The following ARHGAP23 variants were observed in gnomAD, a reference collection of about 807,000 sequenced individuals.
ARHGAP23 encodes rho GTPase-activating protein 23.
A neutral mutation model predicts 136.3 loss-of-function variants in ARHGAP23; 34 were observed. That is an observed-to-expected ratio of 0.25 (90% CI 0.19 to 0.33). ARHGAP23 has a LOEUF of 0.33. ARHGAP23 is among the 10% of genes least tolerant of loss of function. The pLI, the probability that ARHGAP23 is intolerant of heterozygous loss-of-function variation, is 1.00. For missense variants in ARHGAP23, 1,808 were observed against 2,139.0 expected, an observed-to-expected ratio of 0.85 and a Z score of 3.05; for synonymous variants, 832 against 920.5, an observed-to-expected ratio of 0.90 and a Z score of 1.74.
chr17:38,469,902 G>A lies in ARHGAP23; in HGVS notation c.1972G>A (p.Gly658Arg), dbSNP rs1251439105. ...GATGCTCCGGAGCTTCTTCACCGAC[G>A]GGGTGAGAGCTGCAAGTGTGTGTGC... ...LRMLRSFFTD[G>R]SLDSWGTSED... The change falls in exon 10 of 24, where the codon GGG becomes AGG. Residue 658 changes from glycine to arginine, a missense_variant and splice_region_variant. This residue lies in a region of ARHGAP23 where 859 missense variants were observed against 936.4 expected (regional missense o/e 0.92). Transcript: ENST00000622683. 9.0e-6 allele frequency: 14 copies of A among 1,551,640 alleles called. No homozygotes were observed. The highest frequency in any genetic ancestry group is 1.1e-5 in the Non-Finnish European group (13 of 1,146,976).
Position 38,486,909 on chromosome 17 carries a change from T to C in ARHGAP23, c.2986+769T>C, listed in dbSNP as rs1597827669. Among the ~76,000 whole-genome samples the C allele has an allele frequency of 2.0e-5, 3 of 152,244 alleles. No individual in the cohort carries two copies. In the South Asian group the frequency reaches 6.2e-4, roughly 31 times the overall value. ...TTGTGTTTCTCTCCTGGCCCTCTTA[T>C]ATGCATGGCAGAGATACACACGTGC... On this transcript the variant is annotated intron_variant, in intron 17 of 23. Coordinates refer to ENST00000622683, the MANE Select transcript of ARHGAP23 (RefSeq NM_001199417.2).
At chr17:38,475,322 G>A (rs1363290163) in intron 11 of ARHGAP23, among the ~76,000 whole-genome samples, 3 of 152,236 alleles carry the variant, frequency 2.0e-5, no homozygotes, top group Admixed American at 1.3e-4. Context: ...TTACCAGCCG[G>A]AGACACTGAG....
intron 23 of ARHGAP23, among the ~76,000 whole-genome samples, chr17:38,509,387 T>C (rs1005054643): frequency 6.6e-6 from 1 of 150,440 alleles, no homozygotes; most frequent in East Asian, 2.0e-4. Flanking sequence ...GCTGGTGGGG[T>C]CCGGCGGAAA....
At chr17:38,456,994 C>A (rs1377277885) in intron 1 of ARHGAP23, among the ~76,000 whole-genome samples, 1 of 152,168 alleles carries the variant, frequency 6.6e-6, no homozygotes, top group Non-Finnish European at 1.5e-5. Context: ...ACTGCAACTT[C>A]TCCCTCCTGG....
intron 1 of ARHGAP23, among the ~76,000 whole-genome samples, chr17:38,446,656 G>T (rs564644159): frequency 2.7e-5 from 4 of 147,532 alleles, no homozygotes; most frequent in Non-Finnish European, 4.4e-5. Flanking sequence ...TTGTTGCCCA[G>T]GCTGGAGTGC....
At chr17:38,469,041 C>G in intron 7 of ARHGAP23, 103 bp from the exon 8 acceptor site, 7 of 1,273,586 alleles carry the variant, frequency 5.5e-6, no homozygotes, top group Non-Finnish European at 7.5e-6. Context: ...TGGGATGTGT[C>G]TGAGCCTGGA....
rs1318270441 is a variant in ARHGAP23, at chr17:38,467,082, A to C, written c.1399A>C (p.Arg467=). 6.4e-7 allele frequency: 1 copy of C among 1,550,754 alleles called. No homozygotes were observed. Among genetic ancestry groups the C allele is most frequent in the Admixed American group, 2.0e-5 (1 of 51,000 alleles). Residue 467 remains arginine (R), a synonymous_variant, in exon 7 of 24, where the codon AGG becomes CGG. Coordinates refer to ENST00000622683, the MANE Select transcript of ARHGAP23 (RefSeq NM_001199417.2). ...CCCACCAGAGGCCTCCGAGCCACCC[A>C]GGGTTGTACGGCCGGAACCCAGCAC... ...SFPPEASEPP[R]VVRPEPSTRA... is the part of the protein sequence containing the mutation.
At chr17:38,476,128 G>T (rs576048285) in intron 11 of ARHGAP23, among the ~76,000 whole-genome samples, 2 of 152,242 alleles carry the variant, frequency 1.3e-5, no homozygotes, top group Admixed American at 1.3e-4. Context: ...TTCTGAGGGC[G>T]ATGGGATCCC....
chr17:38,502,513 T>C (rs1448964090), intron 23 of ARHGAP23, among the ~76,000 whole-genome samples: 4 of 152,196 alleles, frequency 2.6e-5, no homozygotes, highest in African/African-American at 9.7e-5. Context: ...AACAGATAGG[T>C]TCCTGCCCTC....
chr17:38,448,649 T>G lies in ARHGAP23; in HGVS notation c.64-9453T>G, dbSNP rs2039088011. Among the ~76,000 whole-genome samples the G allele has an allele frequency of 2.7e-5, 4 of 148,120 alleles. No individual in the cohort carries two copies. In the South Asian group the frequency reaches 8.7e-4, roughly 32 times the overall value. ...CTGAAAGAACTTGGGGAGTTTTTTT[T>G]TTTTTTTTTTTTTTGAGACAGGGTC... On this transcript the variant is annotated intron_variant, in intron 1 of 23. Coordinates refer to ENST00000622683, the MANE Select transcript of ARHGAP23 (RefSeq NM_001199417.2).
intron 1 of ARHGAP23, among the ~76,000 whole-genome samples, chr17:38,420,325 G>A (rs2038507868): frequency 6.6e-6 from 1 of 152,256 alleles, no homozygotes; most frequent in African/African-American, 2.4e-5. Context: ...CCCACTTGGG[G>A]TGAGGTCTCA....
chr17:38,460,793 G>T, intron 2 of ARHGAP23, 112 bp from the exon 3 acceptor site: 5 of 1,533,522 alleles, frequency 3.3e-6, no homozygotes, highest in Non-Finnish European at 3.5e-6. Flanking sequence ...GGCTACTTGG[G>T]AGGAGATAAG....
chr17:38,433,686 G>A (rs2038731937), intron 1 of ARHGAP23, among the ~76,000 whole-genome samples: 1 of 152,202 alleles, frequency 6.6e-6, no homozygotes, highest in Admixed American at 6.5e-5. Context: ...AGGCAGAGAT[G>A]TCCCCAGCCT....
intron 1 of ARHGAP23, among the ~76,000 whole-genome samples, chr17:38,432,109 T>C (rs974459516): frequency 2.0e-5 from 3 of 152,226 alleles, no homozygotes; most frequent in Non-Finnish European, 4.4e-5. Context: ...CCTGACACTG[T>C]GATGTTCCAT....
chr17:38,512,028 A>G lies in ARHGAP23; in HGVS notation c.*1056A>G, dbSNP rs1385400621. On this transcript the variant is annotated 3_prime_UTR_variant, in exon 24 of 24. Coordinates refer to ENST00000622683, the MANE Select transcript of ARHGAP23 (RefSeq NM_001199417.2). ...GGCCAGCCCCCACACACCCTCACTC[A>G]TTCCAGGGAAGCCCAGGTAGGTGGT... 6.6e-6 allele frequency: 1 copy of G among 152,198 alleles called. No homozygotes were observed. 9.4% of individuals were successfully genotyped at this position (152,198 alleles called of 1,614,324 possible).
chr17:38,504,456 C>T (rs958817791), intron 23 of ARHGAP23, among the ~76,000 whole-genome samples: 1 of 152,212 alleles, frequency 6.6e-6, no homozygotes, highest in African/African-American at 2.4e-5. Context: ...AGGGCCTGGC[C>T]TCCCGCCAGG....
At position 38,509,961 on chromosome 17, in the gene ARHGAP23, G is replaced by A; in HGVS notation, c.3465G>A (p.Lys1155=). The A allele has an allele frequency of 8.0e-7, 1 of 1,250,862 alleles. No homozygotes were observed. Among genetic ancestry groups the A allele is most frequent in the Non-Finnish European group, 1.0e-6 (1 of 992,020 alleles). The allele number at this position is 1,250,862 out of a possible 1,614,324, so 77.5% of individuals were successfully genotyped here. A position where few individuals can be genotyped will look rare whatever the true frequency, so the allele number is the denominator to read the frequency against. The change falls in exon 24 of 24, where the codon AAG becomes AAA. Residue 1155 remains lysine, a synonymous_variant. Coordinates refer to ENST00000622683, the MANE Select transcript of ARHGAP23 (RefSeq NM_001199417.2). ...CCACACAGGGTTCGTGGGCCCCCAA[G>A]AAGGAGCCGTACGCCCGGGAGATGC... ...SAKSKGSWAP[K]KEPYAREMLA...
At chr17:38,444,269 C>T (rs2144538501) in intron 1 of ARHGAP23, among the ~76,000 whole-genome samples, 1 of 152,176 alleles carries the variant, frequency 6.6e-6, no homozygotes, top group South Asian at 2.1e-4. Context: ...GGCATGCCAG[C>T]GCTGGGCCAG....
chr17:38,491,299 A>G, intron 19 of ARHGAP23, 108 bp from the exon 20 acceptor site: 1 of 1,442,476 alleles, frequency 6.9e-7, no homozygotes, highest in Non-Finnish European at 9.4e-7. Flanking sequence ...TCCACCCTCT[A>G]AGCTGGGGAC....
Sources: allele counts gnomAD v4.1 joint callset (sites outside exome capture counted in the v4.1 genomes callset), GRCh38; gene constraint gnomAD v4.1.1; regional missense constraint gnomAD v4.1.1; transcripts MANE v1.5; gene names NCBI Gene and HGNC (gene_info 2026-07-23, HGNC 2026-07-21).